Variants in GULP1 observed in about 807,000 individuals in gnomAD.
GULP1 encodes the protein PTB domain-containing engulfment adapter protein 1.
Under a neutral mutation model 40.9 loss-of-function variants are expected in GULP1, and 19 were observed. That is an observed-to-expected ratio of 0.46 (90% CI 0.32 to 0.68). The LOEUF is 0.68. Ranked by LOEUF, GULP1 falls within the 30% of genes least tolerant of loss-of-function variation. The pLI is 0.03. For synonymous variants in GULP1, 119 were observed against 117.6 expected (o/e 1.01, Z -0.08); for missense variants, 312 against 362.2 (o/e 0.86, Z 1.12).
At chr2:188,295,040 G>C (rs1391933529) in intron 1 of GULP1, among the ~76,000 whole-genome samples, 3 of 152,122 alleles carry the variant, frequency 2.0e-5, no homozygotes, top group African/African-American at 7.2e-5. Flanking sequence ...TTAAGGCTGA[G>C]TCATTTTCTC....
chr2:188,306,141 T>C (rs2037047125), intron 1 of GULP1, among the ~76,000 whole-genome samples: 1 of 152,200 alleles, frequency 6.6e-6, no homozygotes, highest in Non-Finnish European at 1.5e-5. Flanking sequence ...TGGGTAAATA[T>C]AACCTAAGAT....
chr2:188,431,155 A>T (rs1053846084), intron 2 of GULP1, among the ~76,000 whole-genome samples: 5 of 152,138 alleles, frequency 3.3e-5, no homozygotes, highest in African/African-American at 1.2e-4. Context: ...AAACCTTCAG[A>T]GGGCCTCTGG....
At chr2:188,561,950 G>A (rs1696411028) in intron 7 of GULP1, among the ~76,000 whole-genome samples, 1 of 152,160 alleles carries the variant, frequency 6.6e-6, no homozygotes, top group Admixed American at 6.5e-5. Flanking sequence ...AGTCTCAGTG[G>A]CACTTGTATT....
chr2:188,561,376 A>G (rs1696228049), intron 7 of GULP1, among the ~76,000 whole-genome samples: 1 of 152,136 alleles, frequency 6.6e-6, no homozygotes, highest in Non-Finnish European at 1.5e-5. Flanking sequence ...CAGGAAAATT[A>G]TCTGCATCCC....
chr2:188,436,427 C>T (rs373854339), intron 2 of GULP1, among the ~76,000 whole-genome samples: 38 of 152,126 alleles, frequency 2.5e-4, no homozygotes, highest in African/African-American at 7.7e-4. Context: ...AGTATAGGTC[C>T]TCAGTCTCTC....
intron 4 of GULP1, among the ~76,000 whole-genome samples, chr2:188,513,878 T>C (rs775923322): frequency 6.6e-5 from 10 of 152,010 alleles, no homozygotes; most frequent in Non-Finnish European, 1.2e-4. Flanking sequence ...GTTATAAGGT[T>C]GATGAGAAAA....
intron 7 of GULP1, among the ~76,000 whole-genome samples, chr2:188,548,277 C>A (rs530149809): frequency 6.6e-6 from 1 of 152,110 alleles, no homozygotes; most frequent in East Asian, 1.9e-4. Context: ...AGCCAGGTGG[C>A]AGAATACATA....
intron 6 of GULP1, among the ~76,000 whole-genome samples, chr2:188,531,090 T>A (rs1433999000): frequency 2.0e-5 from 3 of 152,200 alleles, no homozygotes; most frequent in African/African-American, 4.8e-5. Flanking sequence ...AACAACTTGC[T>A]ATTTAAAGTG....
At chr2:188,575,939 T>C (rs1700092955) in intron 9 of GULP1, among the ~76,000 whole-genome samples, 1 of 152,100 alleles carries the variant, frequency 6.6e-6, no homozygotes, top group African/African-American at 2.4e-5. Flanking sequence ...TGAGCAGAGC[T>C]TGATTTTTGA....
chr2:188,582,625 C>T, intron 9 of GULP1: 1 of 424,490 alleles, frequency 2.4e-6, no homozygotes, highest in Non-Finnish European at 4.9e-6. Flanking sequence ...TAAATTCTGC[C>T]AAAATGTGCT....
chr2:188,520,135 T>C (rs1008326052), intron 4 of GULP1, among the ~76,000 whole-genome samples: 1 of 152,242 alleles, frequency 6.6e-6, no homozygotes, highest in Admixed American at 6.5e-5. Context: ...TGGTCTTTTA[T>C]GTATGCCTGG....
At chr2:188,482,960 G>C (rs1449641567) in intron 3 of GULP1, among the ~76,000 whole-genome samples, 1 of 151,722 alleles carries the variant, frequency 6.6e-6, no homozygotes, top group Admixed American at 6.6e-5. Flanking sequence ...GCAGTTGTTA[G>C]TATAATATGA....
intron 4 of GULP1, among the ~76,000 whole-genome samples, chr2:188,496,162 G>A (rs573502069): frequency 2.6e-5 from 4 of 152,084 alleles, no homozygotes; most frequent in Admixed American, 2.0e-4. Context: ...CCCAGATTCT[G>A]CAGGTTCAGA....
At chr2:188,391,290 G>A (rs2050489614) in intron 2 of GULP1, among the ~76,000 whole-genome samples, 1 of 152,002 alleles carries the variant, frequency 6.6e-6, no homozygotes, top group South Asian at 2.1e-4. Flanking sequence ...TTTCAGCAGT[G>A]TTTTTTAGTT....
At chr2:188,401,198 A>T (rs1427679692) in intron 2 of GULP1, among the ~76,000 whole-genome samples, 1 of 152,144 alleles carries the variant, frequency 6.6e-6, no homozygotes, top group Non-Finnish European at 1.5e-5. Context: ...AAGGAGTATT[A>T]TGCGGAATTA....
chr2:188,579,028 A>G (rs1700743206), intron 9 of GULP1, among the ~76,000 whole-genome samples: 3 of 152,146 alleles, frequency 2.0e-5, no homozygotes, highest in African/African-American at 7.2e-5. Context: ...GAATAGGCCT[A>G]ACCATTTAGT....
At chr2:188,372,909 AGTTTT>A (rs141430864) in intron 1 of GULP1, among the ~76,000 whole-genome samples, 3,414 of 152,082 alleles carry the variant, frequency 0.022, 137 homozygotes, top group African/African-American at 0.078. Context: ...ATATTTTTAA[AGTTTT>A]GTTAGGAGAG....
chr2:188,464,400 A>G (rs965681410), intron 2 of GULP1, among the ~76,000 whole-genome samples: 1 of 152,178 alleles, frequency 6.6e-6, no homozygotes, highest in African/African-American at 2.4e-5. Flanking sequence ...AGCAGAGGGT[A>G]GAGTGGCACA....
intron 6 of GULP1, among the ~76,000 whole-genome samples, chr2:188,530,933 T>C (rs115348496): frequency 0.011 from 1,673 of 152,336 alleles, 39 homozygotes; most frequent in African/African-American, 0.038. Context: ...AGGATACATA[T>C]TGACAAATTA....
Sources: allele counts gnomAD v4.1 joint callset (sites outside exome capture counted in the v4.1 genomes callset), GRCh38; gene constraint gnomAD v4.1.1; transcripts MANE v1.5; gene names NCBI Gene and HGNC (gene_info 2026-07-23, HGNC 2026-07-21).